SPMIP6: variants seen among roughly 807,000 people sequenced by gnomAD.
SPMIP6 encodes the protein ciliated bronchial epithelial protein 1.
At chr9:34,387,056 A>T in the SPMIP6 span, among the ~76,000 whole-genome samples, 1 of 148,604 alleles carries the variant, frequency 6.7e-6, no homozygotes, top group Admixed American at 6.7e-5. Flanking sequence ...TTTTGAGACA[A>T]AGTCTCACTC....
chr9:34,381,169 C>CAG, the SPMIP6 span: 31 of 1,557,590 alleles, frequency 2.0e-5, no homozygotes, highest in Non-Finnish European at 2.7e-5. This position sits in a 1 kb window ranked among gnomAD's most constrained non-coding sequence, Gnocchi z 4.4. Context: ...GACCCAAAGA[C>CAG]AGATGCACAG....
chr9:34,380,920 C>A, the SPMIP6 span: 1 of 1,594,044 alleles, frequency 6.3e-7, no homozygotes, highest in Non-Finnish European at 8.5e-7. Flanking sequence ...GCTCCCGGCA[C>A]CAAGGCCGCA....
the SPMIP6 span, among the ~76,000 whole-genome samples, chr9:34,383,184 C>G: frequency 6.6e-6 from 1 of 152,220 alleles, no homozygotes; most frequent in Non-Finnish European, 1.5e-5. Flanking sequence ...TCTCTCTCAT[C>G]TTCTACTCTA....
the SPMIP6 span, chr9:34,380,845 G>T: frequency 1.3e-6 from 2 of 1,520,262 alleles, no homozygotes; most frequent in Non-Finnish European, 1.8e-6. Context: ...GGGTTCTGGG[G>T]CGGGGCTTGT....
the SPMIP6 span, chr9:34,382,914 C>T: frequency 8.1e-7 from 1 of 1,229,524 alleles, no homozygotes; most frequent in East Asian, 2.3e-5. Context: ...ACTTCTTACT[C>T]TACTCCAGGA....
the SPMIP6 span, chr9:34,381,134 GCTCC>G: frequency 1.8e-5 from 28 of 1,577,312 alleles, 1 homozygote; most frequent in Admixed American, 4.6e-4. This position sits in a 1 kb window ranked among gnomAD's most constrained non-coding sequence, Gnocchi z 4.4. Context: ...TTCGCGCTCT[GCTCC>G]CGCGGGTCCC....
chr9:34,389,932 T>TTA, the SPMIP6 span: 1 of 150,666 alleles, frequency 6.6e-6, no homozygotes, highest in Non-Finnish European at 1.5e-5. Context: ...TGTAGATTTT[T>TTA]TTTTTTTTTT....
chr9:34,386,567 G>C, the SPMIP6 span, among the ~76,000 whole-genome samples: 1 of 146,160 alleles, frequency 6.8e-6, no homozygotes, highest in East Asian at 2.0e-4. Context: ...CCAGTCTGGC[G>C]ACAGAGCAAG....
At chr9:34,383,024 C>T in the SPMIP6 span, among the ~76,000 whole-genome samples, 2 of 152,366 alleles carry the variant, frequency 1.3e-5, no homozygotes, top group South Asian at 4.1e-4. Flanking sequence ...CGGGCCTACA[C>T]TTGTCTTAAA....
chr9:34,381,453 G>C, the SPMIP6 span: 1 of 1,614,028 alleles, frequency 6.2e-7, no homozygotes, highest in Non-Finnish European at 8.5e-7. This position sits in a 1 kb window ranked among gnomAD's most constrained non-coding sequence, Gnocchi z 4.4. Context: ...TCCTGGAAGC[G>C]GCACACATGC....
At chr9:34,379,696 C>G in the SPMIP6 span, 7 of 1,614,054 alleles carry the variant, frequency 4.3e-6, no homozygotes, top group Non-Finnish European at 5.9e-6. This position sits in a 1 kb window ranked among gnomAD's most constrained non-coding sequence, Gnocchi z 4.2. Context: ...TAACAGCACA[C>G]TGCATTCCGG....
the SPMIP6 span, among the ~76,000 whole-genome samples, chr9:34,384,806 A>G: frequency 1.3e-5 from 2 of 152,240 alleles, no homozygotes; most frequent in Non-Finnish European, 2.9e-5. Context: ...AAGGTATAAG[A>G]AAGGGTGAGG....
chr9:34,379,865 C>T, the SPMIP6 span: 4 of 666,618 alleles, frequency 6.0e-6, no homozygotes, highest in Admixed American at 1.1e-4. This position sits in a 1 kb window ranked among gnomAD's most constrained non-coding sequence, Gnocchi z 4.2. Flanking sequence ...CCTTCTTCCT[C>T]ACCCTTCAAA....
the SPMIP6 span, among the ~76,000 whole-genome samples, chr9:34,396,482 T>C: frequency 6.6e-6 from 1 of 152,126 alleles, no homozygotes; most frequent in African/African-American, 2.4e-5. Flanking sequence ...CAGAGTGGCC[T>C]AACTCACAAT....
At chr9:34,385,623 G>A in the SPMIP6 span, 2 of 1,610,522 alleles carry the variant, frequency 1.2e-6, no homozygotes, top group South Asian at 2.2e-5. Flanking sequence ...GGTCAGCAAA[G>A]GGTGAGGCCT....
At chr9:34,388,532 A>C in the SPMIP6 span, among the ~76,000 whole-genome samples, 1 of 152,150 alleles carries the variant, frequency 6.6e-6, no homozygotes, top group Non-Finnish European at 1.5e-5. Flanking sequence ...GAAGACTAGG[A>C]TTACCAGTTC....
chr9:34,381,863 G>A, the SPMIP6 span: 1 of 854,024 alleles, frequency 1.2e-6, no homozygotes, highest in Non-Finnish European at 1.4e-6. The surrounding 1 kb of genome is among the most constrained non-coding windows in gnomAD (Gnocchi z 4.4). Flanking sequence ...CATCAACCCA[G>A]GGTCAGCCAT....
chr9:34,380,249 G>A, the SPMIP6 span, among the ~76,000 whole-genome samples: 1 of 152,194 alleles, frequency 6.6e-6, no homozygotes, highest in African/African-American at 2.4e-5. Flanking sequence ...CTGCCGCCGC[G>A]TGCAGGACGA....
chr9:34,383,495 G>C, the SPMIP6 span, among the ~76,000 whole-genome samples: 1 of 152,220 alleles, frequency 6.6e-6, no homozygotes, highest in African/African-American at 2.4e-5. Flanking sequence ...CTGCACTCCA[G>C]CCTGGGTGAC....
Sources: gnomAD v4.1 joint callset for allele counts (sites outside exome capture counted in the v4.1 genomes callset) on GRCh38, gnomAD v4.1.1 for gene constraint, Gnocchi (gnomAD v3.1) non-coding constraint, MANE v1.5 for transcripts, NCBI Gene and HGNC (gene_info 2026-07-23, HGNC 2026-07-21) for gene names.